The following MYO9A variants were observed in gnomAD, a reference collection of about 807,000 sequenced individuals.
MYO9A encodes myosin IXA, also known as unconventional myosin-IXa.
A neutral mutation model predicts 293.3 loss-of-function variants in MYO9A; 103 were observed. That is an observed-to-expected ratio of 0.35 (90% CI 0.30 to 0.41). The LOEUF (loss-of-function observed/expected upper bound fraction) is 0.41, where lower values mean the gene tolerates loss of function less well. MYO9A is among the 10% of genes least tolerant of loss of function. The probability of loss-of-function intolerance (pLI) is 1.00; values close to 1 mark genes in which losing one functional copy is unlikely to be tolerated. For synonymous variants in MYO9A, 1,001 were observed against 1,035.7 expected, an observed-to-expected ratio of 0.97 and a Z score of 0.64; for missense variants, 2,685 against 3,033.0, an observed-to-expected ratio of 0.89 and a Z score of 2.69.
At chr15:71,906,754 CTTTCT>C (rs1444486813) in intron 19 of MYO9A, among the ~76,000 whole-genome samples, 537 of 40,958 alleles carry the variant, frequency 0.013, 8 homozygotes, top group African/African-American at 0.038. Context: ...ATATCCATTT[CTTTCT>C]TTTTTTTTTT....
intron 1 of MYO9A, among the ~76,000 whole-genome samples, chr15:72,082,298 G>A (rs1018542219): frequency 6.6e-6 from 1 of 152,042 alleles, no homozygotes; most frequent in South Asian, 2.1e-4. Flanking sequence ...ATTGTGAATG[G>A]GATTTGTGTT....
rs1316492613 is a variant in MYO9A, at chr15:71,916,245, A to AAT, written c.2685+123_2685+124dup. 30 of 1,180,626 alleles carry AAT rather than the reference A, an allele frequency of 2.5e-5. 1 individual carries two copies. The highest frequency in any genetic ancestry group is 3.5e-6 in the Non-Finnish European group (3 of 868,438). The allele number at this position is 1,180,626 out of a possible 1,614,324, so 73.1% of individuals were successfully genotyped here. A position where few individuals can be genotyped will look rare whatever the true frequency, so the allele number is the denominator to read the frequency against. Reference sequence around the variant, plus strand: ...GGTTCTTTTTTCCAAAATGATCAGTAATATATGGCTTTTTAGTCACATAAA... The same window carrying AAT: ...GGTTCTTTTTTCCAAAATGATCAGTAATATATATGGCTTTTTAGTCACATAAA... On this transcript the variant is annotated intron_variant, in intron 19 of 41. Coordinates refer to ENST00000356056, the MANE Select transcript of MYO9A (RefSeq NM_006901.4).
chr15:72,064,960 G>A (rs2078976465), intron 1 of MYO9A, among the ~76,000 whole-genome samples: 1 of 152,090 alleles, frequency 6.6e-6, no homozygotes, highest in African/African-American at 2.4e-5. Flanking sequence ...TCAAGACTTA[G>A]TACAAAGCCA....
At chr15:72,101,805 C>T (rs1355372768) in intron 1 of MYO9A, among the ~76,000 whole-genome samples, 1 of 145,414 alleles carries the variant, frequency 6.9e-6, no homozygotes, top group Admixed American at 6.9e-5. Flanking sequence ...CCGCCCCGTC[C>T]GGGAGGGAGG....
rs994319025 is a variant in MYO9A, at chr15:72,117,852, GCGCATCCCC to G, written c.-253_-245del. 1.3e-5 allele frequency: 5 copies of G among 398,482 alleles called. No individual in the cohort carries two copies. Among genetic ancestry groups the G allele is most frequent in the African/African-American group, 1.0e-4 (5 of 48,578 alleles). 24.7% of individuals were successfully genotyped at this position (398,482 alleles called of 1,614,324 possible). On this transcript the variant is annotated 5_prime_UTR_variant, in exon 1 of 42. It removes an upstream start codon present in the reference 5' UTR. Coordinates refer to ENST00000356056, the MANE Select transcript of MYO9A (RefSeq NM_006901.4). ...CTCAGGGTCCGGGCGAGCGGCCGCG[GCGCATCCCC>G]CGCCCTGTCAGAGAGACTCCGCCCG...
rs79297701 is a variant in MYO9A, at chr15:71,927,211, T to G, written c.2562+6459A>C. Among the ~76,000 whole-genome samples the G allele has an allele frequency of 2.0e-3, 309 of 152,342 alleles. 2 individuals are homozygous for G. Among genetic ancestry groups the G allele is most frequent in the Middle Eastern group, 0.014 (4 of 294 alleles). ...CTATTTTTAAATTAAATTATTTGCT[T>G]TTTTGCTATTAAGTTGTTTGGACTG... On this transcript the variant is annotated intron_variant, in intron 18 of 41. Transcript: ENST00000356056.
At chr15:71,981,641 G>C (rs12324499) in intron 11 of MYO9A, among the ~76,000 whole-genome samples, 3,449 of 144,606 alleles carry the variant, frequency 0.024, 194 homozygotes, top group African/African-American at 0.085. Context: ...TCTCTGTCTT[G>C]TCTCTCTCTC....
Position 71,823,742 on chromosome 15 carries a change from G to C in MYO9A, c.*2838C>G, listed in dbSNP as rs1466384669. The C allele has an allele frequency of 6.6e-6, 1 of 152,160 alleles. No homozygotes were observed. The highest frequency in any genetic ancestry group is 1.5e-5 in the Non-Finnish European group (1 of 68,046). 9.4% of individuals were successfully genotyped at this position (152,160 alleles called of 1,614,324 possible). A position where few individuals can be genotyped will look rare whatever the true frequency, so the allele number is the denominator to read the frequency against. ...GAGTTGAAAATTCAGGTTTTGTTTG[G>C]GGCTGGGAATGTGTGCTGTGAGAAG... is the stretch of plus-strand genomic sequence containing the variant. On this transcript the variant is annotated 3_prime_UTR_variant, in exon 42 of 42. Coordinates refer to ENST00000356056, the MANE Select transcript of MYO9A (RefSeq NM_006901.4).
intron 1 of MYO9A, among the ~76,000 whole-genome samples, chr15:72,089,498 G>A (rs1238627865): frequency 6.6e-6 from 1 of 152,096 alleles, no homozygotes; most frequent in Non-Finnish European, 1.5e-5. Context: ...AACCGTATGA[G>A]CTGGGCCACA....
intron 18 of MYO9A, among the ~76,000 whole-genome samples, chr15:71,932,097 G>A (rs1261914109): frequency 2.0e-5 from 3 of 152,232 alleles, no homozygotes; most frequent in Non-Finnish European, 2.9e-5. Context: ...ACATTTGAGA[G>A]AGAAGTCATT....
At chr15:71,910,637 T>C (rs1429270492) in intron 19 of MYO9A, among the ~76,000 whole-genome samples, 1 of 152,238 alleles carries the variant, frequency 6.6e-6, no homozygotes, top group Admixed American at 6.5e-5. Context: ...ACATGTTGTA[T>C]AATCAGTTTA....
At chr15:71,887,395 C>A in intron 27 of MYO9A, among the ~76,000 whole-genome samples, 1 of 152,236 alleles carries the variant, frequency 6.6e-6, no homozygotes, top group Middle Eastern at 3.4e-3. Flanking sequence ...CTCCCCTGTT[C>A]GCCTAAAAGC....
Position 72,054,988 on chromosome 15 carries a change from A to G in MYO9A, c.-71-8354T>C, listed in dbSNP as rs555620663. Among the ~76,000 whole-genome samples, 5 of 152,302 alleles carry G rather than the reference A, an allele frequency of 3.3e-5. No individual in the cohort carries two copies. In the South Asian group the frequency reaches 1.0e-3, roughly 32 times the overall value. On this transcript the variant is annotated intron_variant, in intron 1 of 41. Transcript: ENST00000356056. Reference sequence around the variant, plus strand: ...TTGAGATAAGATGTGACGAGACTGTATATCAGCTAATCATTACTAGAAAGA... The same window carrying G: ...TTGAGATAAGATGTGACGAGACTGTGTATCAGCTAATCATTACTAGAAAGA...
At chr15:71,933,078 A>G (rs1736692472) in intron 18 of MYO9A, among the ~76,000 whole-genome samples, 1 of 152,126 alleles carries the variant, frequency 6.6e-6, no homozygotes, top group Non-Finnish European at 1.5e-5. Flanking sequence ...CCTGCCCACT[A>G]TTTATATATT....
chr15:71,903,374 T>C (rs1002042231), intron 21 of MYO9A, among the ~76,000 whole-genome samples: 5 of 151,942 alleles, frequency 3.3e-5, no homozygotes, highest in Admixed American at 2.6e-4. Context: ...AAAATTTCTA[T>C]CAGGAAAAAA....
chr15:71,935,262 C>T, intron 17 of MYO9A, 79 bp downstream of exon 17: 1 of 1,398,280 alleles, frequency 7.2e-7, no homozygotes, highest in Admixed American at 2.1e-5. Flanking sequence ...CTTCCTTCTT[C>T]ATTTTTTTCT....
chr15:72,102,267 TAAACAGATGCTTGAAGGCAG>T (rs1466138436), intron 1 of MYO9A, among the ~76,000 whole-genome samples: 1 of 150,530 alleles, frequency 6.6e-6, no homozygotes, highest in Non-Finnish European at 1.5e-5. Flanking sequence ...TGTGCTTTGT[TAAACAGATGCTTGAAGGCAG>T]CATGCTCGTT....
intron 21 of MYO9A, 48 bp downstream of exon 21, chr15:71,903,881 A>AC: frequency 6.8e-7 from 1 of 1,468,260 alleles, no homozygotes. Context: ...TGTGGGAATC[A>AC]TTTACTTGAT....
At chr15:72,102,041 T>C (rs1324271900) in intron 1 of MYO9A, among the ~76,000 whole-genome samples, 1 of 150,448 alleles carries the variant, frequency 6.6e-6, no homozygotes, top group Non-Finnish European at 1.5e-5. Context: ...CTTTGTGGAA[T>C]AGAAAGGCGG....
Sources: allele counts gnomAD v4.1 joint callset (sites outside exome capture counted in the v4.1 genomes callset), GRCh38; gene constraint gnomAD v4.1.1; transcripts MANE v1.5; gene names NCBI Gene and HGNC (gene_info 2026-07-23, HGNC 2026-07-21).